The following CACNG3 variants were observed in gnomAD, a reference collection of about 807,000 sequenced individuals.
CACNG3 encodes the protein voltage-dependent calcium channel gamma-3 subunit.
In CACNG3, 3 loss-of-function variants were observed where a neutral mutation model predicts 28.5. The observed-to-expected ratio is 0.11, with a 90% CI of 0.05 to 0.27. The LOEUF (loss-of-function observed/expected upper bound fraction) is 0.27, where lower values mean the gene tolerates loss of function less well. Ranked by LOEUF, CACNG3 falls within the 10% of genes least tolerant of loss-of-function variation. The probability of loss-of-function intolerance (pLI) is 1.00; values close to 1 mark genes in which losing one functional copy is unlikely to be tolerated. For synonymous variants in CACNG3, 174 were observed against 162.2 expected, an observed-to-expected ratio of 1.07 and a Z score of -0.55; for missense variants, 236 against 414.4, an observed-to-expected ratio of 0.57 and a Z score of 3.74.
Position 24,356,541 on chromosome 16 carries a change from A to G in CACNG3, c.436+1568A>G, listed in dbSNP as rs552726834. ...AACATTGCAAGACCCGATCTGCACA[A>G]AAGTTTAAAAATTAGCTAGGCCTGG... On this transcript the variant is annotated intron_variant, in intron 3 of 3. Coordinates refer to ENST00000005284, the MANE Select transcript of CACNG3 (RefSeq NM_006539.4). Among the ~76,000 whole-genome samples the G allele has an allele frequency of 5.9e-5, 9 of 152,106 alleles. No homozygotes were observed. In the East Asian group the frequency reaches 1.7e-3, roughly 29 times the overall value.
intron 1 of CACNG3, among the ~76,000 whole-genome samples, chr16:24,312,555 C>T (rs1279568514): frequency 1.3e-5 from 2 of 152,074 alleles, no homozygotes; most frequent in Non-Finnish European, 2.9e-5. Context: ...GTGGCTCACA[C>T]CTATAATCCC....
chr16:24,259,054 G>T (rs896205749), intron 1 of CACNG3, among the ~76,000 whole-genome samples: 1 of 152,236 alleles, frequency 6.6e-6, no homozygotes, highest in African/African-American at 2.4e-5. Context: ...CTTAGTGGGA[G>T]AAGTGAGAAA....
intron 1 of CACNG3, among the ~76,000 whole-genome samples, chr16:24,262,662 C>T (rs779601954): frequency 1.3e-5 from 2 of 152,170 alleles, no homozygotes; most frequent in South Asian, 2.1e-4. Context: ...TCTTGTGTCC[C>T]ATTGGTTGTT....
chr16:24,361,290 G>A lies in CACNG3; in HGVS notation c.437-62G>A, dbSNP rs1354568273. Reference sequence around the variant, plus strand: ...ACATTTTCTATAAATATTTTAAGATGGAAAGTGACAGTTCTCTCCGAGGTG... The same window carrying A: ...ACATTTTCTATAAATATTTTAAGATAGAAAGTGACAGTTCTCTCCGAGGTG... On this transcript the variant is annotated intron_variant, in intron 3 of 3. Transcript: ENST00000005284. This position sits in a 1 kb window ranked among gnomAD's most constrained non-coding sequence, Gnocchi z 6.8. The A allele has an allele frequency of 6.4e-6, 8 of 1,253,754 alleles. No individual in the cohort carries two copies. The highest frequency in any genetic ancestry group is 5.6e-6 in the Non-Finnish European group (5 of 895,972). 77.7% of individuals were successfully genotyped at this position (1,253,754 alleles called of 1,614,324 possible).
intron 1 of CACNG3, among the ~76,000 whole-genome samples, chr16:24,271,521 T>G (rs1384499337): frequency 6.6e-6 from 1 of 152,174 alleles, no homozygotes; most frequent in African/African-American, 2.4e-5. Context: ...AGGCTGGTAT[T>G]TACTCCTGTG....
intron 3 of CACNG3, among the ~76,000 whole-genome samples, chr16:24,359,214 G>A (rs551634905): frequency 3.9e-5 from 6 of 152,234 alleles, no homozygotes; most frequent in Non-Finnish European, 7.4e-5. Flanking sequence ...GAGCTGAGAC[G>A]TCTTTGAAGT....
chr16:24,307,364 C>T (rs1165974925), intron 1 of CACNG3, among the ~76,000 whole-genome samples: 2 of 152,054 alleles, frequency 1.3e-5, no homozygotes, highest in African/African-American at 2.4e-5. Context: ...TCAAGTGATC[C>T]ACCCACCTCA....
chr16:24,275,758 C>G (rs1291014638), intron 1 of CACNG3, among the ~76,000 whole-genome samples: 2 of 152,114 alleles, frequency 1.3e-5, no homozygotes, highest in Admixed American at 6.5e-5. Flanking sequence ...CCCTGTGAGC[C>G]AATGTGATTT....
intron 1 of CACNG3, among the ~76,000 whole-genome samples, chr16:24,271,745 T>C (rs924767841): frequency 1.3e-5 from 2 of 152,182 alleles, no homozygotes; most frequent in African/African-American, 4.8e-5. Context: ...GGAAAGACGC[T>C]GATAGAGTGC....
intron 1 of CACNG3, among the ~76,000 whole-genome samples, chr16:24,297,513 C>T (rs190981737): frequency 5.9e-5 from 9 of 152,160 alleles, no homozygotes; most frequent in African/African-American, 2.2e-4. Context: ...ACAGAGGATG[C>T]ATCTACCCGC....
intron 1 of CACNG3, among the ~76,000 whole-genome samples, chr16:24,316,002 C>T (rs78281101): frequency 0.026 from 4,003 of 152,214 alleles, 157 homozygotes; most frequent in African/African-American, 0.082. Flanking sequence ...TACTATGTGC[C>T]AGGCAGCATG....
At chr16:24,279,548 T>A (rs1215283862) in intron 1 of CACNG3, among the ~76,000 whole-genome samples, 1 of 152,118 alleles carries the variant, frequency 6.6e-6, no homozygotes, top group Non-Finnish European at 1.5e-5. Context: ...CAAGCAATCC[T>A]CCTGCCTCAG....
intron 1 of CACNG3, among the ~76,000 whole-genome samples, chr16:24,327,649 C>A (rs1390038355): frequency 6.7e-6 from 1 of 148,414 alleles, no homozygotes; most frequent in Non-Finnish European, 1.5e-5. Flanking sequence ...CAAAACAAAA[C>A]AAAAAAAACA....
chr16:24,346,978 G>A (rs1022507800), intron 2 of CACNG3, among the ~76,000 whole-genome samples, 161 bp downstream of exon 2: 36 of 152,124 alleles, frequency 2.4e-4, no homozygotes, highest in African/African-American at 8.7e-4. Flanking sequence ...AAGTGGTTCT[G>A]AGAGCTAAGC....
chr16:24,332,997 T>C (rs1179668435), intron 1 of CACNG3, among the ~76,000 whole-genome samples: 1 of 152,320 alleles, frequency 6.6e-6, no homozygotes, highest in East Asian at 1.9e-4. Context: ...ACAAGAATGA[T>C]GATGTGATAG....
rs553092084 is a variant in CACNG3, at chr16:24,294,410, T to A, written c.211+37445T>A. ...GCCCATGGGCTGAGGGAGAAATCTG[T>A]CTGTTCTGATGGGCAGAAGGTCCAG... On this transcript the variant is annotated intron_variant, in intron 1 of 3. Transcript: ENST00000005284. 7.9e-5 allele frequency among the ~76,000 whole-genome samples: 12 copies of A among 152,202 alleles called. 1 individual carries two copies. Among genetic ancestry groups the A allele is most frequent in the African/African-American group, 2.6e-4 (11 of 41,534 alleles).
chr16:24,337,536 C>T (rs1899728594), intron 1 of CACNG3, among the ~76,000 whole-genome samples: 1 of 152,082 alleles, frequency 6.6e-6, no homozygotes, highest in African/African-American at 2.4e-5. Flanking sequence ...ACATACAGGC[C>T]AGGTCCATGG....
chr16:24,294,429 G>A lies in CACNG3; in HGVS notation c.211+37464G>A, dbSNP rs1899003697. 2.6e-5 allele frequency among the ~76,000 whole-genome samples: 4 copies of A among 152,200 alleles called. No homozygotes were observed. In the South Asian group the frequency reaches 8.3e-4, roughly 32 times the overall value. ...AATCTGTCTGTTCTGATGGGCAGAA[G>A]GTCCAGGTTCCAGGGCAGTGGAGGG... On this transcript the variant is annotated intron_variant, in intron 1 of 3. Coordinates refer to ENST00000005284, the MANE Select transcript of CACNG3 (RefSeq NM_006539.4).
At chr16:24,300,661 G>T (rs1275562676) in intron 1 of CACNG3, among the ~76,000 whole-genome samples, 1 of 150,846 alleles carries the variant, frequency 6.6e-6, no homozygotes, top group African/African-American at 2.4e-5. Flanking sequence ...GGTGGCTCAT[G>T]CCCGTAATCC....
Sources: allele counts gnomAD v4.1 joint callset (sites outside exome capture counted in the v4.1 genomes callset), GRCh38; gene constraint gnomAD v4.1.1; non-coding constraint Gnocchi (gnomAD v3.1); transcripts MANE v1.5; gene names NCBI Gene and HGNC (gene_info 2026-07-23, HGNC 2026-07-21).